The following TRUB1 variants were observed in gnomAD, a reference collection of about 807,000 sequenced individuals.
TRUB1 encodes the protein TruB pseudouridine synthase family member 1.
TRUB1 carries 23 observed loss-of-function variants against 33.9 expected under a neutral mutation model. That is an observed-to-expected ratio of 0.68 (90% CI 0.49 to 0.96). TRUB1 has a LOEUF of 0.96. Among genes scored for constraint, TRUB1 ranks in the 40% least tolerant of loss-of-function variants. The probability of loss-of-function intolerance (pLI) is 0.00; values close to 1 mark genes in which losing one functional copy is unlikely to be tolerated. For missense variants in TRUB1, 378 were observed against 422.2 expected (o/e 0.90, Z 0.92); for synonymous variants, 163 against 165.4 (o/e 0.99, Z 0.11).
chr10:114,944,787 C>G (rs2084204498), intron 2 of TRUB1, among the ~76,000 whole-genome samples: 1 of 152,058 alleles, frequency 6.6e-6, no homozygotes, highest in Non-Finnish European at 1.5e-5. Context: ...GAGTCCAAGA[C>G]CAGCTTAGAC....
intron 7 of TRUB1, 52 bp from the exon 8 acceptor site, chr10:114,975,071 A>C (rs1265665058): frequency 3.2e-6 from 5 of 1,557,482 alleles, no homozygotes; most frequent in Non-Finnish European, 4.3e-6. Context: ...CAGACTATGA[A>C]ATACTGAATC....
intron 2 of TRUB1, among the ~76,000 whole-genome samples, chr10:114,944,428 C>A (rs1228530717): frequency 6.6e-6 from 1 of 151,932 alleles, no homozygotes; most frequent in Non-Finnish European, 1.5e-5. Context: ...AATATTTTTA[C>A]TTGAGGTTAA....
intron 3 of TRUB1, among the ~76,000 whole-genome samples, chr10:114,957,368 A>G (rs1245809217): frequency 6.6e-6 from 1 of 152,182 alleles, no homozygotes; most frequent in African/African-American, 2.4e-5. Flanking sequence ...TGTTTATTGA[A>G]GTTTTCCTGT....
chr10:114,947,804 G>T (rs1419211578), intron 2 of TRUB1, among the ~76,000 whole-genome samples: 1 of 152,148 alleles, frequency 6.6e-6, no homozygotes, highest in East Asian at 1.9e-4. Context: ...AGTTTTGTCA[G>T]AACTGATTTT....
chr10:114,940,182 C>T (rs2084180025), intron 1 of TRUB1, among the ~76,000 whole-genome samples: 1 of 152,158 alleles, frequency 6.6e-6, no homozygotes, highest in Non-Finnish European at 1.5e-5. Flanking sequence ...AGTGCAATGG[C>T]AAGATCTCGG....
At chr10:114,951,020 C>A in intron 2 of TRUB1, 74 bp from the exon 3 acceptor site, 1 of 1,347,592 alleles carries the variant, frequency 7.4e-7, no homozygotes, top group Non-Finnish European at 1.1e-6. Flanking sequence ...GAAATTATGA[C>A]CAAAAAATAT....
At chr10:114,966,149 C>T (rs908802357) in intron 4 of TRUB1, among the ~76,000 whole-genome samples, 1 of 151,948 alleles carries the variant, frequency 6.6e-6, no homozygotes, top group Non-Finnish European at 1.5e-5. Context: ...TCTTTATGCC[C>T]CTCTCTCCAT....
intron 2 of TRUB1, among the ~76,000 whole-genome samples, chr10:114,949,976 G>A (rs772403131): frequency 1.4e-5 from 2 of 142,034 alleles, no homozygotes; most frequent in Admixed American, 1.5e-4. Context: ...TTGGCTCACC[G>A]CAACCTCTGC....
intron 4 of TRUB1, among the ~76,000 whole-genome samples, chr10:114,968,323 T>A (rs774955352): frequency 3.3e-5 from 5 of 152,174 alleles, no homozygotes; most frequent in Admixed American, 6.6e-5. Context: ...AGAACACAGT[T>A]GCAGGAGCGT....
intron 2 of TRUB1, among the ~76,000 whole-genome samples, chr10:114,949,714 G>A (rs1305694794): frequency 2.0e-5 from 3 of 152,070 alleles, no homozygotes; most frequent in Non-Finnish European, 4.4e-5. Context: ...GTTGCAGTGA[G>A]GAGAAAGCCT....
chr10:114,939,516 C>T (rs919905583), intron 1 of TRUB1, among the ~76,000 whole-genome samples: 1 of 152,110 alleles, frequency 6.6e-6, no homozygotes, highest in Non-Finnish European at 1.5e-5. Flanking sequence ...TGTTTAGTGT[C>T]CCATGGAAAA....
At chr10:114,949,153 A>T (rs1313933449) in intron 2 of TRUB1, among the ~76,000 whole-genome samples, 1 of 152,022 alleles carries the variant, frequency 6.6e-6, no homozygotes, top group East Asian at 1.9e-4. Context: ...TCTGTATTTT[A>T]TTTTCCTGAT....
rs1380267836 is a variant in TRUB1 at position 114,976,696 on chromosome 10, C to T, written c.*1317C>T. The T allele has an allele frequency of 6.6e-6, 1 of 152,084 alleles. No homozygotes were observed. The highest frequency in any genetic ancestry group is 1.5e-5 in the Non-Finnish European group (1 of 68,008). The allele number at this position is 152,084 out of a possible 1,614,324, so 9.4% of individuals were successfully genotyped here. A position where few individuals can be genotyped will look rare whatever the true frequency, so the allele number is the denominator to read the frequency against. On this transcript the variant is annotated 3_prime_UTR_variant, in exon 8 of 8. Coordinates refer to ENST00000298746, the MANE Select transcript of TRUB1 (RefSeq NM_139169.5). ...CTAAAGTGGTTTTATTTGTGCTTAA[C>T]CCAATTTAAACTCAATGTAAAATGT...
intron 5 of TRUB1, 48 bp downstream of exon 5, chr10:114,970,488 A>C (rs770419752): frequency 1.5e-6 from 2 of 1,335,272 alleles, no homozygotes; most frequent in Non-Finnish European, 2.2e-6. Flanking sequence ...TTCTTTTCCA[A>C]TGGTTAACAT....
At chr10:114,960,453 A>C (rs1206394874) in intron 4 of TRUB1, among the ~76,000 whole-genome samples, 3 of 152,172 alleles carry the variant, frequency 2.0e-5, no homozygotes, top group Non-Finnish European at 4.4e-5. Flanking sequence ...CTGCATCATT[A>C]TGTCACCAAT....
In TRUB1 at chr10:114,957,342, C is replaced by T. The variant is rs912191786; in HGVS notation, c.442-2384C>T. Among the ~76,000 whole-genome samples the T allele has an allele frequency of 2.6e-5, 4 of 152,202 alleles. No homozygotes were observed. In the East Asian group the frequency reaches 5.8e-4, roughly 22 times the overall value. On this transcript the variant is annotated intron_variant, in intron 3 of 7. Transcript: ENST00000298746. ...TCTGTTGTTGCCATTATATCCAGTC[C>T]TCTCTGCAGTAGTTGTGTTTATTGA... is the stretch of plus-strand genomic sequence containing the variant.
In TRUB1 at chr10:114,975,483, T is replaced by C. The variant is rs2084356596; in HGVS notation, c.*104T>C. On this transcript the variant is annotated 3_prime_UTR_variant, in exon 8 of 8. Coordinates refer to ENST00000298746, the MANE Select transcript of TRUB1 (RefSeq NM_139169.5). ...AAAGACAAACAATATGTCTTTTTTTTTTTTGCATGAAGAAAAATGTCTATC... is the reference window on the plus strand; with the variant it reads ...AAAGACAAACAATATGTCTTTTTTTCTTTTGCATGAAGAAAAATGTCTATC... 8.3e-7 allele frequency: 1 copy of C among 1,198,714 alleles called. No homozygotes were observed. The highest frequency in any genetic ancestry group is 1.5e-5 in the African/African-American group (1 of 64,832). 74.3% of individuals were successfully genotyped at this position (1,198,714 alleles called of 1,614,324 possible).
In TRUB1 at chr10:114,959,740, T is replaced by C. The variant is rs747165877; in HGVS notation, c.456T>C (p.Ile152=). 6 of 1,608,596 alleles carry C rather than the reference T, an allele frequency of 3.7e-6. No individual in the cohort carries two copies. The Admixed American group carries it at 5.0e-5, about 13-fold the overall frequency. The change falls in exon 4 of 8, where the codon ATT becomes ATC. Residue 152 remains isoleucine, a synonymous_variant. Coordinates refer to ENST00000298746, the MANE Select transcript of TRUB1 (RefSeq NM_139169.5). ...MLSGSKRYTA[I]GELGKATDTL... Reference sequence around the variant, plus strand: ...CCTTCCTCTAGAGATATACTGCCATTGGAGAACTGGGGAAAGCTACTGATA... The same window carrying C: ...CCTTCCTCTAGAGATATACTGCCATCGGAGAACTGGGGAAAGCTACTGATA...
chr10:114,972,775 A>G (rs1057133543), intron 6 of TRUB1, among the ~76,000 whole-genome samples: 1 of 152,310 alleles, frequency 6.6e-6, no homozygotes, highest in South Asian at 2.1e-4. Flanking sequence ...TCCTGCAAAT[A>G]TGGAAAAACA....
Sources: allele counts gnomAD v4.1 joint callset (sites outside exome capture counted in the v4.1 genomes callset), GRCh38; gene constraint gnomAD v4.1.1; transcripts MANE v1.5; gene names NCBI Gene and HGNC (gene_info 2026-07-23, HGNC 2026-07-21).